The following KCND2 variants were observed in gnomAD, a reference collection of about 807,000 sequenced individuals.
KCND2 encodes the protein A-type voltage-gated potassium channel KCND2.
In KCND2, 16 loss-of-function variants were observed where a neutral mutation model predicts 54.4. That is an observed-to-expected ratio of 0.29 (90% CI 0.20 to 0.45). KCND2 has a LOEUF of 0.45. Among genes scored for constraint, KCND2 ranks in the 20% least tolerant of loss-of-function variants. The pLI is 1.00. For missense variants in KCND2, 486 were observed against 824.2 expected, an observed-to-expected ratio of 0.59 and a Z score of 5.02; for synonymous variants, 317 against 310.7, an observed-to-expected ratio of 1.02 and a Z score of -0.21.
intron 4 of KCND2, among the ~76,000 whole-genome samples, chr7:120,745,495 T>C (rs1792994632): frequency 6.6e-6 from 1 of 152,014 alleles, no homozygotes; most frequent in Non-Finnish European, 1.5e-5. Context: ...CCTTCCAGAT[T>C]TTATGTTTAA....
chr7:120,517,585 AAAGT>A (rs1233565614), intron 1 of KCND2, among the ~76,000 whole-genome samples: 2 of 152,124 alleles, frequency 1.3e-5, no homozygotes, highest in African/African-American at 4.8e-5. Flanking sequence ...CTCAGTGTAC[AAAGT>A]AAGGAAACTA....
intron 1 of KCND2, among the ~76,000 whole-genome samples, chr7:120,583,711 C>T (rs1792549415): frequency 1.3e-5 from 2 of 150,674 alleles, no homozygotes; most frequent in South Asian, 2.1e-4. Context: ...TAATTAGCTC[C>T]TTCAAGGTCC....
At chr7:120,437,584 A>C (rs1374859105) in intron 1 of KCND2, among the ~76,000 whole-genome samples, 1 of 152,180 alleles carries the variant, frequency 6.6e-6, no homozygotes, top group Non-Finnish European at 1.5e-5. Context: ...CAGAATTAGC[A>C]TTGATAATAT....
At chr7:120,650,306 TG>T (rs1791713368) in intron 1 of KCND2, among the ~76,000 whole-genome samples, 1 of 143,124 alleles carries the variant, frequency 7.0e-6, no homozygotes, top group African/African-American at 2.8e-5. Flanking sequence ...TTGGAGGCTT[TG>T]TTCATTTCTT....
At chr7:120,296,776 G>A (rs1179498882) in intron 1 of KCND2, among the ~76,000 whole-genome samples, 1 of 151,910 alleles carries the variant, frequency 6.6e-6, no homozygotes, top group African/African-American at 2.4e-5. Context: ...GGCTAGGGTA[G>A]AATAAAACAC....
At chr7:120,417,401 C>A (rs1801539249) in intron 1 of KCND2, among the ~76,000 whole-genome samples, 1 of 152,092 alleles carries the variant, frequency 6.6e-6, no homozygotes, top group Admixed American at 6.6e-5. Context: ...TTTCTCCTAG[C>A]TTTTCATTTT....
intron 1 of KCND2, among the ~76,000 whole-genome samples, chr7:120,656,126 A>G (rs1259757708): frequency 1.3e-5 from 2 of 152,104 alleles, no homozygotes; most frequent in Non-Finnish European, 2.9e-5. Flanking sequence ...TGACATATGC[A>G]TTATCTATAT....
At chr7:120,298,275 A>G (rs979280373) in intron 1 of KCND2, among the ~76,000 whole-genome samples, 2 of 152,140 alleles carry the variant, frequency 1.3e-5, no homozygotes, top group Non-Finnish European at 2.9e-5. Flanking sequence ...AGCTAATTTT[A>G]TGGTAAACAG....
At chr7:120,478,438 C>T (rs1802560569) in intron 1 of KCND2, among the ~76,000 whole-genome samples, 1 of 152,028 alleles carries the variant, frequency 6.6e-6, no homozygotes, top group Non-Finnish European at 1.5e-5. Flanking sequence ...AAAACCTTGT[C>T]AATGAAGTAG....
intron 1 of KCND2, among the ~76,000 whole-genome samples, chr7:120,478,237 C>T (rs1273117405): frequency 6.6e-6 from 1 of 152,096 alleles, no homozygotes; most frequent in Admixed American, 6.6e-5. Context: ...AACATTTGCA[C>T]TAAAGTATAC....
At chr7:120,452,133 C>G (rs1297757098) in intron 1 of KCND2, among the ~76,000 whole-genome samples, 1 of 152,122 alleles carries the variant, frequency 6.6e-6, no homozygotes, top group African/African-American at 2.4e-5. Context: ...CATAATTGAA[C>G]TGCATAAAGT....
Position 120,747,685 on chromosome 7 carries a change from T to A in KCND2, c.1720T>A (p.Ser574Thr). The A allele has an allele frequency of 6.2e-7, 1 of 1,611,322 alleles. No homozygotes were observed. Among genetic ancestry groups the A allele is most frequent in the Non-Finnish European group, 8.5e-7 (1 of 1,177,878 alleles). Residue 574 changes from serine to threonine, a missense_variant, in exon 6 of 6, where the codon TCC becomes ACC. Ser to Thr is a moderately conservative substitution (Grantham distance 58). Around this residue, in one of 7 missense-constraint regions of KCND2, gnomAD observed 202 missense variants for 252.7 expected, o/e 0.80. Transcript: ENST00000331113. ...AAATATTTTTTTTTCTATCAGCCGA[T>A]CCAGTTTAAATGCCAAAATGGAAGA... The part of the protein sequence containing the change: ...VERTPLSNSR[S>T]SLNAKMEECV...
intron 1 of KCND2, among the ~76,000 whole-genome samples, chr7:120,596,565 A>G (rs1396732035): frequency 1.3e-5 from 2 of 152,184 alleles, no homozygotes; most frequent in African/African-American, 4.8e-5. Context: ...TGCCAAAGAC[A>G]GATTTTGAAC....
chr7:120,282,346 A>G (rs1275545106), intron 1 of KCND2, among the ~76,000 whole-genome samples: 1 of 152,156 alleles, frequency 6.6e-6, no homozygotes, highest in Non-Finnish European at 1.5e-5. Flanking sequence ...ATAGGGAAAT[A>G]TTGTCTGTAA....
chr7:120,309,778 A>G (rs1799709067), intron 1 of KCND2, among the ~76,000 whole-genome samples: 1 of 152,026 alleles, frequency 6.6e-6, no homozygotes, highest in Admixed American at 6.6e-5. Context: ...GTCACTGTCT[A>G]GTTAAAAACT....
At chr7:120,376,158 A>G (rs1437184488) in intron 1 of KCND2, among the ~76,000 whole-genome samples, 2 of 151,818 alleles carry the variant, frequency 1.3e-5, no homozygotes, top group Non-Finnish European at 2.9e-5. Context: ...GTTTGAAACT[A>G]TTAAAGATAA....
intron 1 of KCND2, among the ~76,000 whole-genome samples, chr7:120,412,906 G>T (rs982792859): frequency 1.3e-5 from 2 of 151,946 alleles, no homozygotes; most frequent in African/African-American, 2.4e-5. Context: ...AGGAAGCTTT[G>T]CCAGCACTCC....
At chr7:120,442,424 ACTTTT>A (rs1413543340) in intron 1 of KCND2, among the ~76,000 whole-genome samples, 2 of 152,082 alleles carry the variant, frequency 1.3e-5, no homozygotes, top group Admixed American at 6.6e-5. Flanking sequence ...ATATAAAATA[ACTTTT>A]CTTTAATTGA....
chr7:120,634,229 A>G (rs1034252093), intron 1 of KCND2, among the ~76,000 whole-genome samples: 5 of 152,200 alleles, frequency 3.3e-5, no homozygotes, highest in African/African-American at 4.8e-5. Context: ...CAAGCAAAAA[A>G]TATGTATTGA....
Sources: gnomAD v4.1 joint callset for allele counts (sites outside exome capture counted in the v4.1 genomes callset) on GRCh38, gnomAD v4.1.1 for gene constraint, gnomAD v4.1.1 regional missense constraint, MANE v1.5 for transcripts, NCBI Gene and HGNC (gene_info 2026-07-23, HGNC 2026-07-21) for gene names.